Variants in NRG1 observed in about 807,000 individuals in gnomAD.
NRG1 encodes the protein neuregulin 1.
In NRG1, 18 loss-of-function variants were observed where a neutral mutation model predicts 63.8. That is an observed-to-expected ratio of 0.28 (90% CI 0.19 to 0.42). The LOEUF is 0.42. Among genes scored for constraint, NRG1 ranks in the 10% least tolerant of loss-of-function variants. NRG1 has a pLI of 1.00. For missense variants in NRG1, 762 were observed against 814.7 expected (o/e 0.94, Z 0.79); for synonymous variants, 302 against 301.3 (o/e 1.00, Z -0.02).
intron 1 of NRG1, among the ~76,000 whole-genome samples, chr8:31,863,137 C>A (rs530279262): frequency 9.2e-5 from 14 of 152,188 alleles, no homozygotes; most frequent in Non-Finnish European, 1.9e-4. Flanking sequence ...ACATTCACAC[C>A]ACTCAGTGCC....
chr8:31,989,253 CAAAAAAA>C (rs10692906), intron 1 of NRG1, among the ~76,000 whole-genome samples: 3 of 47,522 alleles, frequency 6.3e-5, no homozygotes, highest in Non-Finnish European at 9.5e-5. Context: ...GACTCTGTCT[CAAAAAAA>C]AAAAAAAAAA....
chr8:31,817,145 G>C (rs1823531635), intron 1 of NRG1, among the ~76,000 whole-genome samples: 1 of 152,178 alleles, frequency 6.6e-6, no homozygotes, highest in Middle Eastern at 3.2e-3. Context: ...TAAAGAACTT[G>C]GCAAATGTTG....
At chr8:31,879,146 T>C (rs1830155710) in intron 1 of NRG1, among the ~76,000 whole-genome samples, 1 of 152,158 alleles carries the variant, frequency 6.6e-6, no homozygotes, top group Non-Finnish European at 1.5e-5. Context: ...GCAAGGATAA[T>C]TGAGGAACAT....
chr8:31,765,541 G>A (rs1489331481), intron 1 of NRG1, among the ~76,000 whole-genome samples: 3 of 152,168 alleles, frequency 2.0e-5, no homozygotes, highest in Non-Finnish European at 4.4e-5. Context: ...TCAGGGGTAA[G>A]TATTGAATTT....
chr8:31,829,337 C>T (rs1824883254), intron 1 of NRG1, among the ~76,000 whole-genome samples: 2 of 152,172 alleles, frequency 1.3e-5, no homozygotes, highest in African/African-American at 4.8e-5. Flanking sequence ...CATTGCTGGA[C>T]ACTTAATTGG....
intron 7 of NRG1, 65 bp from the exon 8 acceptor site, chr8:32,754,307 T>C: frequency 7.3e-7 from 1 of 1,369,256 alleles, no homozygotes; most frequent in Non-Finnish European, 1.0e-6. Flanking sequence ...GCCCACTGTT[T>C]GGTTGTAGTC....
intron 1 of NRG1, among the ~76,000 whole-genome samples, chr8:32,525,449 C>G (rs1196133627): frequency 6.7e-6 from 1 of 149,130 alleles, no homozygotes; most frequent in African/African-American, 2.5e-5. Context: ...GTCTACTTGC[C>G]TGCTTTCTGG....
At chr8:32,612,122 G>T (rs1488027208) in intron 3 of NRG1, among the ~76,000 whole-genome samples, 1 of 152,020 alleles carries the variant, frequency 6.6e-6, no homozygotes, top group East Asian at 1.9e-4. Flanking sequence ...TAATGAAGGG[G>T]CTGTCCTTTA....
At chr8:32,639,142 A>G (rs1851856459) in intron 5 of NRG1, among the ~76,000 whole-genome samples, 1 of 152,164 alleles carries the variant, frequency 6.6e-6, no homozygotes, top group South Asian at 2.1e-4. Flanking sequence ...GTGGTGGCTC[A>G]TGCCTATAAT....
At chr8:31,800,689 T>C (rs957735281) in intron 1 of NRG1, among the ~76,000 whole-genome samples, 1 of 152,174 alleles carries the variant, frequency 6.6e-6, no homozygotes. Flanking sequence ...TGGTTTTTAA[T>C]ACTTTTTTCA....
intron 1 of NRG1, among the ~76,000 whole-genome samples, chr8:31,841,707 G>A (rs981581474): frequency 3.3e-5 from 5 of 151,892 alleles, no homozygotes; most frequent in Admixed American, 6.6e-5. Context: ...ATAACTTCAG[G>A]TACAAGAAGA....
intron 1 of NRG1, among the ~76,000 whole-genome samples, chr8:31,728,392 A>T (rs1312552697): frequency 6.6e-6 from 1 of 152,148 alleles, no homozygotes; most frequent in African/African-American, 2.4e-5. Context: ...TGAACCCCGG[A>T]GGCAGAGGTT....
intron 1 of NRG1, among the ~76,000 whole-genome samples, chr8:32,530,239 C>G (rs369526963): frequency 1.3e-5 from 2 of 152,080 alleles, no homozygotes; most frequent in African/African-American, 4.8e-5. Context: ...TCCCGAGTAG[C>G]TGGGACTACA....
At chr8:31,706,567 T>G (rs1320042166) in intron 1 of NRG1, among the ~76,000 whole-genome samples, 1 of 152,178 alleles carries the variant, frequency 6.6e-6, no homozygotes, top group African/African-American at 2.4e-5. Flanking sequence ...TTCCCAGTAT[T>G]GGAATTGCTA....
rs192437978 is a variant in NRG1 at position 32,271,286 on chromosome 8, C to T, written c.38-324542C>T. 5.3e-5 allele frequency among the ~76,000 whole-genome samples: 8 copies of T among 152,088 alleles called. No individual in the cohort carries two copies. In the East Asian group the frequency reaches 9.7e-4, roughly 18 times the overall value. On this transcript the variant is annotated intron_variant, in intron 1 of 10. Transcript: ENST00000519301. ...AACCCTATATAGATAGGAGTTCCTT[C>T]GAGTATTTTCAAACTTGATTAACAA...
intron 5 of NRG1, among the ~76,000 whole-genome samples, chr8:32,655,942 C>G (rs1310396578): frequency 6.6e-6 from 1 of 152,030 alleles, no homozygotes; most frequent in Non-Finnish European, 1.5e-5. Context: ...ACCATGAATC[C>G]TAAGATTATG....
chr8:31,639,641 C>T, intron 1 of NRG1: 3 of 1,400,964 alleles, frequency 2.1e-6, no homozygotes, highest in Non-Finnish European at 1.9e-6. Flanking sequence ...CCGGTGACAG[C>T]AGCCCCGACA....
At chr8:32,121,393 G>A (rs2131552236) in intron 1 of NRG1, among the ~76,000 whole-genome samples, 1 of 120,174 alleles carries the variant, frequency 8.3e-6, no homozygotes, top group South Asian at 2.7e-4. Context: ...ATTTACCTGG[G>A]AAATCGTGTG....
chr8:31,684,230 A>C (rs1808631456), intron 1 of NRG1, among the ~76,000 whole-genome samples: 1 of 152,174 alleles, frequency 6.6e-6, no homozygotes, highest in Middle Eastern at 3.2e-3. Context: ...TTCATGTTGA[A>C]GCTTGATCTC....
Sources: allele counts gnomAD v4.1 joint callset (sites outside exome capture counted in the v4.1 genomes callset), GRCh38; gene constraint gnomAD v4.1.1; transcripts MANE v1.5; gene names NCBI Gene and HGNC (gene_info 2026-07-23, HGNC 2026-07-21).